Variants in RTP2 observed in about 807,000 individuals in gnomAD.
RTP2 encodes receptor-transporting protein 2.
RTP2 carries 12 observed loss-of-function variants against 17.9 expected under a neutral mutation model. The observed-to-expected ratio is 0.67, with a 90% confidence interval of 0.43 to 1.09. The LOEUF is 1.09. Ranked by LOEUF, RTP2 falls within the 50% of genes least tolerant of loss-of-function variation. The pLI, the probability that RTP2 is intolerant of heterozygous loss-of-function variation, is 0.00. For synonymous variants in RTP2, 126 were observed against 117.7 expected, an observed-to-expected ratio of 1.07 and a Z score of -0.46; for missense variants, 327 against 295.7, an observed-to-expected ratio of 1.11 and a Z score of -0.78.
At chr3:187,702,735 A>G (rs1717885856), upstream of RTP2, among the ~76,000 whole-genome samples, 1 of 152,224 alleles carries the variant, frequency 6.6e-6, no homozygotes, top group African/African-American at 2.4e-5. Flanking sequence ...CTCATCCAAG[A>G]TTCAGATCTA....
the RTP2 span, among the ~76,000 whole-genome samples, chr3:187,715,192 T>C: frequency 6.6e-6 from 1 of 152,138 alleles, no homozygotes. Flanking sequence ...TTGTGTAATC[T>C]CAAGTTTGAA....
upstream of RTP2, among the ~76,000 whole-genome samples, chr3:187,704,737 G>C (rs1456854776): frequency 2.0e-5 from 3 of 152,166 alleles, no homozygotes; most frequent in Non-Finnish European, 2.9e-5. Flanking sequence ...GTATTTTCAA[G>C]AGATATTAGG....
upstream of RTP2, among the ~76,000 whole-genome samples, chr3:187,705,269 T>G (rs1717963212): frequency 6.6e-6 from 1 of 152,160 alleles, no homozygotes; most frequent in Admixed American, 6.5e-5. Flanking sequence ...TCCAAGAGGC[T>G]GAGGGCCTTC....
chr3:187,706,025 C>T (rs185568639), upstream of RTP2, among the ~76,000 whole-genome samples: 23 of 152,194 alleles, frequency 1.5e-4, no homozygotes, highest in Admixed American at 8.5e-4. Flanking sequence ...AGAAGATACA[C>T]AGTCAATAGG....
At chr3:187,712,838 G>A in the RTP2 span, among the ~76,000 whole-genome samples, 1 of 152,186 alleles carries the variant, frequency 6.6e-6, no homozygotes, top group African/African-American at 2.4e-5. Context: ...CCTTGTCACT[G>A]TTTCCAAAAG....
At chr3:187,699,707 G>A (rs1269569075) in intron 1 of RTP2, among the ~76,000 whole-genome samples, 3 of 142,960 alleles carry the variant, frequency 2.1e-5, no homozygotes, top group African/African-American at 7.7e-5. Context: ...TGGAAAAGAG[G>A]GTATTCATTC....
At chr3:187,715,515 A>G in the RTP2 span, 1 of 345,608 alleles carries the variant, frequency 2.9e-6, no homozygotes, top group Non-Finnish European at 5.8e-6. Flanking sequence ...TCATGGTAGT[A>G]TTATTTCCGA....
Position 187,698,823 on chromosome 3 carries a change from A to G in RTP2, c.353T>C (p.Val118Ala), listed in dbSNP as rs760337506. Residue 118 changes from valine to alanine, a missense_variant, in exon 2 of 2, where the codon GTG becomes GCG. By Grantham distance (64) the Val-to-Ala change is moderately conservative. Coordinates refer to ENST00000358241, the Ensembl canonical transcript of RTP2. ...GCGCAGGCTGGTGATGAGGTTGTCCACCAGGCCCTCGATGTTCTCCTCCAG... is the reference window on the plus strand; with the variant it reads ...GCGCAGGCTGGTGATGAGGTTGTCCGCCAGGCCCTCGATGTTCTCCTCCAG... The G allele has an allele frequency of 9.9e-6, 16 of 1,612,872 alleles. No individual in the cohort carries two copies. The South Asian group carries it at 1.5e-4, about 16-fold the overall frequency.
At chr3:187,698,923 C>T (rs769455825) in exon 2 of RTP2, 26 of 1,610,052 alleles carry the variant, frequency 1.6e-5, no homozygotes, top group Non-Finnish European at 2.2e-5. Context: ...CGCACCGAGC[C>T]CGCCCGCTGG....
At chr3:187,713,341 T>G in the RTP2 span, among the ~76,000 whole-genome samples, 1 of 152,240 alleles carries the variant, frequency 6.6e-6, no homozygotes, top group Non-Finnish European at 1.5e-5. Context: ...AAAGCTGTGC[T>G]CAAGGGTACA....
At chr3:187,704,225 A>G (rs899555667), upstream of RTP2, among the ~76,000 whole-genome samples, 3 of 152,236 alleles carry the variant, frequency 2.0e-5, no homozygotes, top group African/African-American at 4.8e-5. Flanking sequence ...GGGGATGGAT[A>G]AAAGAATCAC....
exon 2 of RTP2, chr3:187,698,479 C>T (rs1203793276): frequency 1.9e-6 from 3 of 1,582,062 alleles, no homozygotes; most frequent in African/African-American, 2.7e-5. Context: ...GTGCCCTCTC[C>T]CACCCTTAAC....
At chr3:187,699,041 G>A (rs1717775359) in intron 1 of RTP2, 30 bp from the exon 2 acceptor site, 2 of 1,551,890 alleles carry the variant, frequency 1.3e-6, no homozygotes, top group East Asian at 2.3e-5. Flanking sequence ...GGGTGGAGAA[G>A]GTGGGCATCC....
At chr3:187,714,719 T>G in the RTP2 span, among the ~76,000 whole-genome samples, 1 of 152,248 alleles carries the variant, frequency 6.6e-6, no homozygotes, top group Non-Finnish European at 1.5e-5. Context: ...TCACAGTTGT[T>G]CAGGCTGAAG....
chr3:187,706,568 T>G (rs954346674), upstream of RTP2, among the ~76,000 whole-genome samples: 2 of 152,150 alleles, frequency 1.3e-5, no homozygotes, highest in Admixed American at 6.5e-5. Context: ...GAAGAACCAA[T>G]GCATGCCTCA....
At chr3:187,698,929 G>C (rs767187204) in exon 2 of RTP2, 7 of 1,609,776 alleles carry the variant, frequency 4.3e-6, no homozygotes, top group East Asian at 4.5e-5. Flanking sequence ...GAGCCCGCCC[G>C]CTGGGCGCGG....
chr3:187,698,812 T>C (rs772544601), exon 2 of RTP2: 3 of 1,613,304 alleles, frequency 1.9e-6, no homozygotes, highest in Non-Finnish European at 2.5e-6. Flanking sequence ...AGGCTGGTGA[T>C]GAGGTTGTCC....
the RTP2 span, among the ~76,000 whole-genome samples, chr3:187,712,630 T>A: frequency 6.6e-6 from 1 of 152,154 alleles, no homozygotes; most frequent in African/African-American, 2.4e-5. Flanking sequence ...TCAGGAGGCA[T>A]GAATAAGAAA....
chr3:187,698,627 G>A (rs1302663383), exon 2 of RTP2: 35 of 1,614,104 alleles, frequency 2.2e-5, no homozygotes, highest in Non-Finnish European at 2.5e-5. Flanking sequence ...TCGGCTTGGA[G>A]GCTTCAGAGG....
Sources: gnomAD v4.1 joint callset for allele counts (sites outside exome capture counted in the v4.1 genomes callset) on GRCh38, gnomAD v4.1.1 for gene constraint, MANE v1.5 for transcripts, NCBI Gene and HGNC (gene_info 2026-07-23, HGNC 2026-07-21) for gene names.